Variants in TMEM132D observed in about 807,000 individuals in gnomAD.
TMEM132D encodes mature OL transmembrane protein.
TMEM132D carries 21 observed loss-of-function variants against 62.3 expected under a neutral mutation model. The ratio of observed to expected loss-of-function variants is 0.34; its 90% CI spans 0.24 to 0.49. The LOEUF (loss-of-function observed/expected upper bound fraction) is 0.49, where lower values mean the gene tolerates loss of function less well. TMEM132D is among the 20% of genes least tolerant of loss of function. TMEM132D has a pLI of 0.99. For missense variants in TMEM132D, 1,346 were observed against 1,402.8 expected (o/e 0.96, Z 0.65); for synonymous variants, 621 against 575.6 (o/e 1.08, Z -1.13).
intron 4 of TMEM132D, among the ~76,000 whole-genome samples, chr12:129,278,761 G>A (rs1881064476): frequency 6.6e-6 from 1 of 152,164 alleles, no homozygotes; most frequent in African/African-American, 2.4e-5. Context: ...ACTGTCCAGA[G>A]AATAAAAGAA....
At chr12:129,656,589 TA>T (rs1206932232) in intron 2 of TMEM132D, among the ~76,000 whole-genome samples, 7 of 152,042 alleles carry the variant, frequency 4.6e-5, no homozygotes, top group Non-Finnish European at 1.0e-4. Context: ...TGTAATACAG[TA>T]GAGGGGAAAA....
At chr12:129,231,487 C>T (rs947017845) in intron 4 of TMEM132D, among the ~76,000 whole-genome samples, 1 of 152,202 alleles carries the variant, frequency 6.6e-6, no homozygotes, top group Non-Finnish European at 1.5e-5. Flanking sequence ...AGTCAAACGT[C>T]ATCAGATTTC....
intron 5 of TMEM132D, among the ~76,000 whole-genome samples, chr12:129,090,865 C>T (rs918419001): frequency 6.6e-6 from 1 of 152,166 alleles, no homozygotes; most frequent in African/African-American, 2.4e-5. Context: ...CAGTCCTTCC[C>T]ACCCCACAGT....
intron 6 of TMEM132D, among the ~76,000 whole-genome samples, chr12:129,082,456 C>T (rs564624074): frequency 3.9e-4 from 59 of 152,324 alleles, no homozygotes; most frequent in African/African-American, 1.3e-3. Flanking sequence ...CAGTTGCTCA[C>T]TCTGATGAAG....
intron 1 of TMEM132D, among the ~76,000 whole-genome samples, chr12:129,844,549 T>C (rs575144930): frequency 5.3e-5 from 8 of 152,336 alleles, no homozygotes; most frequent in Middle Eastern, 3.4e-3. Flanking sequence ...ACAAAGCTCA[T>C]CGGGTTTAAA....
intron 5 of TMEM132D, among the ~76,000 whole-genome samples, chr12:129,187,266 A>G (rs1276358479): frequency 1.3e-5 from 2 of 152,238 alleles, no homozygotes; most frequent in Non-Finnish European, 2.9e-5. Flanking sequence ...CTGTTATATA[A>G]GAGGTAAATC....
intron 1 of TMEM132D, among the ~76,000 whole-genome samples, chr12:129,742,386 GAGA>G (rs1229292077): frequency 1.3e-5 from 2 of 152,116 alleles, no homozygotes; most frequent in Non-Finnish European, 2.9e-5. Flanking sequence ...GAGCAAGAGA[GAGA>G]AGAAGAGGTC....
At chr12:129,156,721 C>A in intron 5 of TMEM132D, among the ~76,000 whole-genome samples, 1 of 151,916 alleles carries the variant, frequency 6.6e-6, no homozygotes, top group Non-Finnish European at 1.5e-5. Context: ...CCTGTGATAA[C>A]CCACTCCCTC....
rs1437430477 is a variant in TMEM132D at position 129,479,556 on chromosome 12, C to G, written c.1115+51503G>C. 3.3e-5 allele frequency among the ~76,000 whole-genome samples: 5 copies of G among 152,218 alleles called. No homozygotes were observed. In the East Asian group the frequency reaches 7.7e-4, roughly 24 times the overall value. On this transcript the variant is annotated intron_variant, in intron 3 of 8. Transcript: ENST00000422113. ...ATGCAAAATATGATAAAAACCAATGCCTGTCCTCATGGTGATTACATTTTA... is the reference window on the plus strand; with the variant it reads ...ATGCAAAATATGATAAAAACCAATGGCTGTCCTCATGGTGATTACATTTTA...
intron 1 of TMEM132D, among the ~76,000 whole-genome samples, chr12:129,891,824 C>T (rs1170594145): frequency 6.6e-6 from 1 of 151,830 alleles, no homozygotes; most frequent in African/African-American, 2.4e-5. Context: ...CACATGAACT[C>T]GAAAAAGTTG....
chr12:129,610,971 C>G (rs1207655610), intron 2 of TMEM132D, among the ~76,000 whole-genome samples: 1 of 152,210 alleles, frequency 6.6e-6, no homozygotes, highest in East Asian at 1.9e-4. Flanking sequence ...TCACCTAGAT[C>G]AGGCAGAACC....
intron 3 of TMEM132D, among the ~76,000 whole-genome samples, chr12:129,482,399 G>A (rs1416172687): frequency 1.3e-5 from 2 of 152,088 alleles, no homozygotes; most frequent in South Asian, 2.1e-4. Context: ...TATATTAAAT[G>A]AAAAAGCATA....
chr12:129,480,582 G>A (rs1021551682), intron 3 of TMEM132D, among the ~76,000 whole-genome samples: 5 of 152,152 alleles, frequency 3.3e-5, no homozygotes, highest in African/African-American at 1.2e-4. Context: ...TAATAGGGAC[G>A]TTCTCTAGCA....
chr12:129,100,333 T>C (rs1311725502), intron 5 of TMEM132D, among the ~76,000 whole-genome samples: 3 of 152,206 alleles, frequency 2.0e-5, no homozygotes, highest in African/African-American at 7.2e-5. Context: ...CCACCGTGCA[T>C]GGCCAAACCC....
chr12:129,423,359 G>C (rs772114922), intron 3 of TMEM132D, among the ~76,000 whole-genome samples: 5 of 152,098 alleles, frequency 3.3e-5, no homozygotes, highest in African/African-American at 1.2e-4. Flanking sequence ...GCCTATAGCC[G>C]CTGATAACTG....
rs566329283 is a variant in TMEM132D, at chr12:129,102,348, T to C, written c.1444-17646A>G. Among the ~76,000 whole-genome samples, 5 of 148,494 alleles carry C rather than the reference T, an allele frequency of 3.4e-5. No homozygotes were observed. In the East Asian group the frequency reaches 1.0e-3, roughly 30 times the overall value. On this transcript the variant is annotated intron_variant, in intron 5 of 8. Transcript: ENST00000422113. ...CACTTACACATGCACACACATGCATTCACATATGTACGCATGCACACAAGC... is the reference window on the plus strand; with the variant it reads ...CACTTACACATGCACACACATGCATCCACATATGTACGCATGCACACAAGC...
chr12:129,141,568 TTAGTGAAC>T (rs1180233864), intron 5 of TMEM132D, among the ~76,000 whole-genome samples: 2 of 152,128 alleles, frequency 1.3e-5, no homozygotes, highest in Non-Finnish European at 2.9e-5. Context: ...ACGTCAGAGC[TTAGTGAAC>T]TAAGTTGGCG....
At chr12:129,664,711 C>T (rs780139381) in intron 2 of TMEM132D, among the ~76,000 whole-genome samples, 3 of 152,052 alleles carry the variant, frequency 2.0e-5, no homozygotes, top group Non-Finnish European at 4.4e-5. Context: ...AGGTGTGAGC[C>T]ACTGCGGCCG....
chr12:129,735,182 C>T (rs1720414782), intron 1 of TMEM132D, among the ~76,000 whole-genome samples: 1 of 152,200 alleles, frequency 6.6e-6, no homozygotes, highest in Non-Finnish European at 1.5e-5. Flanking sequence ...AATTGTGTTA[C>T]ATTCCGTATC....
Sources: allele counts gnomAD v4.1 joint callset (sites outside exome capture counted in the v4.1 genomes callset), GRCh38; gene constraint gnomAD v4.1.1; transcripts MANE v1.5; gene names NCBI Gene and HGNC (gene_info 2026-07-23, HGNC 2026-07-21).